The following KIZ variants were observed in gnomAD, a reference collection of about 807,000 sequenced individuals.
KIZ encodes the protein kizuna centrosomal protein.
KIZ carries 68 observed loss-of-function variants against 79.6 expected under a neutral mutation model. The ratio of observed to expected loss-of-function variants is 0.85; its 90% CI spans 0.70 to 1.05. The LOEUF (loss-of-function observed/expected upper bound fraction) is 1.05. Ranked by LOEUF, KIZ falls within the 50% of genes least tolerant of loss-of-function variation. The pLI is 0.00. For missense variants in KIZ, 797 were observed against 800.4 expected (o/e 1.00, Z 0.05); for synonymous variants, 280 against 281.8 (o/e 0.99, Z 0.06).
At chr20:21,182,220 G>A (rs2034682890) in intron 6 of KIZ, among the ~76,000 whole-genome samples, 2 of 152,240 alleles carry the variant, frequency 1.3e-5, no homozygotes, top group South Asian at 4.2e-4. Context: ...TATAAGAAGA[G>A]ACACAAGAGA....
chr20:21,160,690 C>G lies in KIZ; in HGVS notation c.406-1181C>G, dbSNP rs183655386. On this transcript the variant is annotated intron_variant, in intron 4 of 12. Transcript: ENST00000619189. ...TATGGGCTGAATATTTGTGTCCCCC[C>G]CAAAGTTCATATATTGAAATTCTAA... Among the ~76,000 whole-genome samples the G allele has an allele frequency of 1.7e-3, 253 of 152,226 alleles. 1 individual carries two copies. The highest frequency in any genetic ancestry group is 6.0e-3 in the African/African-American group (250 of 41,524).
chr20:21,240,564 G>A (rs2123502056), intron 11 of KIZ, among the ~76,000 whole-genome samples: 1 of 152,366 alleles, frequency 6.6e-6, no homozygotes, highest in East Asian at 1.9e-4. Context: ...TACCAAGTCT[G>A]CCCTCTGGGG....
At chr20:21,214,829 T>C in intron 8 of KIZ, 129 bp downstream of exon 8, 1 of 513,984 alleles carries the variant, frequency 1.9e-6, no homozygotes, top group East Asian at 2.9e-5. Context: ...TAATATAGTA[T>C]TTGTTTTATA....
chr20:21,194,291 G>A (rs1326837109), intron 6 of KIZ: 2 of 152,228 alleles, frequency 1.3e-5, no homozygotes, highest in African/African-American at 2.4e-5. Flanking sequence ...GGTAGGGCTA[G>A]CATGTTGGTG....
chr20:21,197,279 A>G (rs958636880), intron 6 of KIZ: 2 of 152,244 alleles, frequency 1.3e-5, no homozygotes, highest in East Asian at 3.8e-4. Context: ...TATAGATAAT[A>G]AAAGATAAAT....
intron 9 of KIZ, among the ~76,000 whole-genome samples, chr20:21,224,831 G>A (rs1466553578): frequency 2.0e-5 from 3 of 152,136 alleles, no homozygotes; most frequent in African/African-American, 4.8e-5. Context: ...TATTTTAGCA[G>A]GTGTACATTT....
rs144385177 is a variant in KIZ, at chr20:21,132,651, A to G, written c.152+492A>G. ...TTTGAAATAAACAGTGCAGTTTAAT[A>G]TAATTACTATCAAATTTGGTTAAAA... On this transcript the variant is annotated intron_variant, in intron 2 of 12. Transcript: ENST00000619189. Among the ~76,000 whole-genome samples, 629 of 152,336 alleles carry G rather than the reference A, an allele frequency of 4.1e-3. 3 individuals are homozygous for G. Among genetic ancestry groups the G allele is most frequent in the African/African-American group, 0.014 (603 of 41,592 alleles).
At chr20:21,164,368 A>T (rs1165705739) in intron 6 of KIZ, among the ~76,000 whole-genome samples, 2 of 152,260 alleles carry the variant, frequency 1.3e-5, no homozygotes, top group Admixed American at 6.5e-5. Context: ...GGAAGAACCG[A>T]CATGGTTCCT....
intron 2 of KIZ, among the ~76,000 whole-genome samples, chr20:21,135,229 A>G (rs2032116061): frequency 6.6e-6 from 1 of 152,216 alleles, no homozygotes; most frequent in Admixed American, 6.5e-5. Context: ...GGTAGCTGGA[A>G]TGGAACTAGA....
chr20:21,224,864 A>G (rs937630458), intron 9 of KIZ, among the ~76,000 whole-genome samples: 3 of 152,206 alleles, frequency 2.0e-5, no homozygotes, highest in Non-Finnish European at 2.9e-5. Flanking sequence ...GAAAAAAGAT[A>G]AGAAGTTGAG....
At chr20:21,130,259 G>A (rs1047346806) in intron 1 of KIZ, among the ~76,000 whole-genome samples, 1 of 152,184 alleles carries the variant, frequency 6.6e-6, no homozygotes, top group Non-Finnish European at 1.5e-5. Flanking sequence ...TCATTCTAGA[G>A]GGTGACCCTC....
At chr20:21,149,870 G>A (rs987040543) in intron 4 of KIZ, among the ~76,000 whole-genome samples, 2 of 152,240 alleles carry the variant, frequency 1.3e-5, no homozygotes, top group African/African-American at 2.4e-5. Flanking sequence ...ACTTAGGTTG[G>A]AATCCCCTGG....
chr20:21,192,515 C>A (rs1263548525), intron 6 of KIZ, among the ~76,000 whole-genome samples: 1 of 152,056 alleles, frequency 6.6e-6, no homozygotes, highest in Non-Finnish European at 1.5e-5. Context: ...CTACAGTGCT[C>A]TGTGACCTTC....
intron 11 of KIZ, among the ~76,000 whole-genome samples, chr20:21,236,881 T>C (rs891469707): frequency 6.6e-6 from 1 of 151,048 alleles, no homozygotes; most frequent in African/African-American, 2.4e-5. Flanking sequence ...GCACCTGTAA[T>C]CCCAGCTACT....
chr20:21,185,244 C>CA (rs2034824199), intron 6 of KIZ, among the ~76,000 whole-genome samples: 1 of 152,034 alleles, frequency 6.6e-6, no homozygotes, highest in Non-Finnish European at 1.5e-5. Flanking sequence ...ATTTTTCTCA[C>CA]TTTTTTTCTG....
At chr20:21,151,974 A>G (rs931405106) in intron 4 of KIZ, 1 of 152,216 alleles carries the variant, frequency 6.6e-6, no homozygotes, top group African/African-American at 2.4e-5. Flanking sequence ...CTCATGATCA[A>G]GTATTCTGCA....
At chr20:21,160,623 A>G (rs2122667649) in intron 4 of KIZ, among the ~76,000 whole-genome samples, 1 of 152,248 alleles carries the variant, frequency 6.6e-6, no homozygotes, top group Non-Finnish European at 1.5e-5. Context: ...CATCTTAAAA[A>G]TCCTAAATTA....
chr20:21,214,517 T>C lies in KIZ; in HGVS notation c.1447-18T>C. 6.3e-7 allele frequency: 1 copy of C among 1,581,512 alleles called. No homozygotes were observed. The highest frequency in any genetic ancestry group is 8.6e-7 in the Non-Finnish European group (1 of 1,157,966). Reference sequence around the variant, plus strand: ...CAGTTTGTTTTTATTTCTTTGTGCTTTTTTTGAAACACTGTAGGCAACAGC... The same window carrying C: ...CAGTTTGTTTTTATTTCTTTGTGCTCTTTTTGAAACACTGTAGGCAACAGC... On this transcript the variant is annotated intron_variant, in intron 7 of 12. Coordinates refer to ENST00000619189, the MANE Select transcript of KIZ (RefSeq NM_018474.6).
At chr20:21,173,398 TG>T (rs1227765781) in intron 6 of KIZ, among the ~76,000 whole-genome samples, 1 of 151,616 alleles carries the variant, frequency 6.6e-6, no homozygotes, top group East Asian at 1.9e-4. Context: ...GCCAACATGG[TG>T]AAACCCCATC....
Sources: allele counts gnomAD v4.1 joint callset (sites outside exome capture counted in the v4.1 genomes callset), GRCh38; gene constraint gnomAD v4.1.1; transcripts MANE v1.5; gene names NCBI Gene and HGNC (gene_info 2026-07-23, HGNC 2026-07-21).